Variants in POLA1 observed in about 807,000 individuals in gnomAD.
The protein encoded by POLA1 is DNA polymerase alpha 1, catalytic subunit, also known as DNA polymerase alpha catalytic subunit.
In POLA1, 15 loss-of-function variants were observed where a neutral mutation model predicts 124.0. The ratio of observed to expected loss-of-function variants is 0.12; its 90% CI spans 0.08 to 0.19. The LOEUF (loss-of-function observed/expected upper bound fraction) is 0.19. POLA1 is among the 10% of genes least tolerant of loss of function. POLA1 has a pLI of 1.00. For synonymous variants in POLA1, 408 were observed against 389.4 expected (o/e 1.05, Z -0.56); for missense variants, 886 against 1,103.4 (o/e 0.80, Z 2.79).
chrX:24,852,783 T>G (rs1294732701), intron 34 of POLA1, among the ~76,000 whole-genome samples: 1 of 111,798 alleles, frequency 8.9e-6, no homozygotes, highest in Non-Finnish European at 1.9e-5. Flanking sequence ...CGGAAGATCC[T>G]TGGCCTCATT....
At chrX:24,909,817 T>C (rs1375658145) in intron 35 of POLA1, among the ~76,000 whole-genome samples, 19 of 110,132 alleles carry the variant, frequency 1.7e-4, no homozygotes, top group African/African-American at 4.3e-4. Context: ...ATCTATAAAT[T>C]ACCTTGGGCA....
chrX:24,699,738 C>G (rs1928286174), intron 2 of POLA1, among the ~76,000 whole-genome samples, 189 bp downstream of exon 2: 1 of 109,963 alleles, frequency 9.1e-6, no homozygotes. Context: ...AATGTTCGAC[C>G]CTTAAAGTTC....
chrX:24,826,255 C>G (rs1246173873), intron 31 of POLA1, among the ~76,000 whole-genome samples, 172 bp from the exon 32 acceptor site: 1 of 111,891 alleles, frequency 8.9e-6, no homozygotes, highest in African/African-American at 3.3e-5. Flanking sequence ...CTTGATTTTC[C>G]TACTCAAAAT....
intron 35 of POLA1, among the ~76,000 whole-genome samples, chrX:24,897,057 T>C (rs1035768510): frequency 1.8e-5 from 2 of 111,520 alleles, no homozygotes; most frequent in Non-Finnish European, 3.8e-5. Flanking sequence ...CAGAAGATAG[T>C]ATAAGAGCCA....
At chrX:24,758,090 A>AC (rs1351299178) in intron 26 of POLA1, among the ~76,000 whole-genome samples, 2 of 111,393 alleles carry the variant, frequency 1.8e-5, no homozygotes, top group Non-Finnish European at 3.8e-5. Flanking sequence ...ATTTGGAAAC[A>AC]CCCCATGGAA....
chrX:24,950,295 G>A (rs2048019354), intron 36 of POLA1, among the ~76,000 whole-genome samples: 1 of 111,933 alleles, frequency 8.9e-6, no homozygotes, highest in South Asian at 3.8e-4. Context: ...GTCCAGTGCT[G>A]TAGCCTCTAG....
In POLA1 at chrX:24,967,495, C is replaced by T. The variant is rs140490371; in HGVS notation, c.4262-28310C>T. Among the ~76,000 whole-genome samples, 800 of 109,248 alleles carry T rather than the reference C, an allele frequency of 7.3e-3. 16 individuals are homozygous for T. Among genetic ancestry groups the T allele is most frequent in the Admixed American group, 0.055 (563 of 10,150 alleles). The allele number at this position is 109,248 out of a possible 115,157, so 94.9% of individuals were successfully genotyped here. A position where few individuals can be genotyped will look rare whatever the true frequency, so the allele number is the denominator to read the frequency against. Reference sequence around the variant, plus strand: ...GACCAGCCTGGGTAACATGGCGAAACCCATTTTATACAAAATTTAGCCAGT... The same window carrying T: ...GACCAGCCTGGGTAACATGGCGAAATCCATTTTATACAAAATTTAGCCAGT... On this transcript the variant is annotated intron_variant, in intron 36 of 36. Transcript: ENST00000379068.
intron 35 of POLA1, among the ~76,000 whole-genome samples, chrX:24,915,696 G>C (rs1184570438): frequency 8.9e-6 from 1 of 111,821 alleles, no homozygotes; most frequent in African/African-American, 3.2e-5. Context: ...AGCAAAATTT[G>C]ACTGATTTCA....
chrX:24,882,942 GGC>G (rs1297209797), intron 34 of POLA1, among the ~76,000 whole-genome samples: 1 of 111,555 alleles, frequency 9.0e-6, no homozygotes, highest in African/African-American at 3.3e-5. Context: ...TTACCACAGT[GGC>G]TGAACTGATT....
At chrX:24,828,730 C>T (rs1414039086) in intron 32 of POLA1, among the ~76,000 whole-genome samples, 1 of 111,597 alleles carries the variant, frequency 9.0e-6, no homozygotes, top group African/African-American at 3.3e-5. Context: ...AGCCTTGTCT[C>T]ATGAATGACA....
chrX:24,823,913 T>C (rs1271188341), intron 31 of POLA1, among the ~76,000 whole-genome samples: 2 of 112,866 alleles, frequency 1.8e-5, no homozygotes, highest in Non-Finnish European at 1.9e-5. Context: ...ATTAAACCTA[T>C]GTGAATTATT....
At position 24,930,403 on chromosome X, in the gene POLA1, G is replaced by A. The variant is rs375875845; in HGVS notation, c.4165-50G>A. Reference sequence around the variant, plus strand: ...CACTCTGCTGAGAGTGATCCCCATCGCTTCCCCCTCCCCAGTAGTAGTATT... The same window carrying A: ...CACTCTGCTGAGAGTGATCCCCATCACTTCCCCCTCCCCAGTAGTAGTATT... On this transcript the variant is annotated intron_variant, in intron 35 of 36. Transcript: ENST00000379068. The A allele has an allele frequency of 3.1e-5, 25 of 806,336 alleles. 1 individual carries two copies. Among genetic ancestry groups the A allele is most frequent in the East Asian group, 6.4e-5 (2 of 31,490 alleles). 66.5% of individuals were successfully genotyped at this position (806,336 alleles called of 1,213,427 possible).
At chrX:24,920,554 C>T (rs1308012602) in intron 35 of POLA1, among the ~76,000 whole-genome samples, 2 of 111,892 alleles carry the variant, frequency 1.8e-5, no homozygotes, top group East Asian at 2.8e-4. Context: ...GTTGAAAATG[C>T]ATCAATAAAA....
intron 35 of POLA1, among the ~76,000 whole-genome samples, chrX:24,906,238 A>G (rs2047364481): frequency 8.9e-6 from 1 of 112,467 alleles, no homozygotes; most frequent in African/African-American, 3.2e-5. Context: ...GCAATTGCAA[A>G]AATATGAAAC....
chrX:24,887,554 A>G (rs2047080358), intron 34 of POLA1, among the ~76,000 whole-genome samples: 1 of 112,378 alleles, frequency 8.9e-6, no homozygotes, highest in Non-Finnish European at 1.9e-5. Context: ...GTACTGTGGT[A>G]TCCATTTTAC....
chrX:24,984,530 G>A (rs2048457121), intron 36 of POLA1, among the ~76,000 whole-genome samples: 1 of 108,470 alleles, frequency 9.2e-6, no homozygotes, highest in Admixed American at 9.8e-5. Flanking sequence ...TTTTACACCG[G>A]AAAAAAAAAG....
At chrX:24,765,126 C>A (rs1932870412) in intron 26 of POLA1, among the ~76,000 whole-genome samples, 1 of 110,322 alleles carries the variant, frequency 9.1e-6, no homozygotes. Flanking sequence ...CTACCCTGTT[C>A]TTTCAGTTCT....
chrX:24,742,028 C>T lies in POLA1; in HGVS notation c.2373C>T (p.Ser791=), dbSNP rs752015527. The T allele has an allele frequency of 1.9e-5, 23 of 1,198,343 alleles. No individual in the cohort carries two copies. The highest frequency in any genetic ancestry group is 2.4e-5 in the Non-Finnish European group (21 of 886,771). ...CCAGGACGCTGATGGGTGGACGATC[C>T]GAGCGTAACGAGTTCTTGTTGCTTC... is the stretch of plus-strand genomic sequence containing the variant. The part of the protein sequence containing the change: ...IMSRTLMGGR[S]ERNEFLLLHA... Residue 791 remains serine (S), a synonymous_variant, in exon 22 of 37, where the codon TCC becomes TCT. Transcript: ENST00000379068.
At chrX:24,909,909 C>G (rs1013517359) in intron 35 of POLA1, among the ~76,000 whole-genome samples, 3 of 110,029 alleles carry the variant, frequency 2.7e-5, no homozygotes, top group Non-Finnish European at 5.7e-5. Context: ...TCTTTTATTT[C>G]CTTGAGCAGT....
Sources: gnomAD v4.1 joint callset for allele counts (sites outside exome capture counted in the v4.1 genomes callset) on GRCh38, gnomAD v4.1.1 for gene constraint, MANE v1.5 for transcripts, NCBI Gene and HGNC (gene_info 2026-07-23, HGNC 2026-07-21) for gene names.